GRM4: variants seen among roughly 807,000 people sequenced by gnomAD.
GRM4 encodes the protein glutamate metabotropic receptor 4.
GRM4 carries 28 observed loss-of-function variants against 81.7 expected under a neutral mutation model. The ratio of observed to expected loss-of-function variants is 0.34; its 90% CI spans 0.25 to 0.47. The LOEUF (loss-of-function observed/expected upper bound fraction) is 0.47. GRM4 is among the 20% of genes least tolerant of loss of function. The probability of loss-of-function intolerance (pLI) is 1.00; values close to 1 mark genes in which losing one functional copy is unlikely to be tolerated. For missense variants in GRM4, 948 were observed against 1,290.0 expected, an observed-to-expected ratio of 0.73 and a Z score of 4.06; for synonymous variants, 488 against 528.8, an observed-to-expected ratio of 0.92 and a Z score of 1.06.
At chr6:34,037,752 A>T (rs1441796345) in intron 8 of GRM4, among the ~76,000 whole-genome samples, 3 of 151,602 alleles carry the variant, frequency 2.0e-5, no homozygotes, top group Non-Finnish European at 1.5e-5. Flanking sequence ...AATCCTAGCT[A>T]CTCAGGAGGC....
chr6:34,023,467 T>C (rs1763987744), intron 10 of GRM4, among the ~76,000 whole-genome samples: 2 of 152,102 alleles, frequency 1.3e-5, no homozygotes, highest in Non-Finnish European at 2.9e-5. Flanking sequence ...GGGCCGTGCA[T>C]GGCTAGAAAC....
intron 1 of GRM4, among the ~76,000 whole-genome samples, chr6:34,138,248 C>G (rs553361724): frequency 6.6e-6 from 1 of 152,218 alleles, no homozygotes; most frequent in East Asian, 1.9e-4. Flanking sequence ...GACTCAGGCC[C>G]GAGCCCCTTG....
At chr6:34,149,739 C>T (rs1771008734), upstream of GRM4, among the ~76,000 whole-genome samples, 1 of 152,206 alleles carries the variant, frequency 6.6e-6, no homozygotes, top group Non-Finnish European at 1.5e-5. Context: ...AGTATGAATC[C>T]AGCCTCCAGG....
chr6:34,099,733 G>C (rs1768732343), intron 2 of GRM4, among the ~76,000 whole-genome samples: 1 of 152,164 alleles, frequency 6.6e-6, no homozygotes, highest in Non-Finnish European at 1.5e-5. Flanking sequence ...AGTGATCAAA[G>C]AACAAGGCCT....
chr6:34,097,566 G>T (rs1300851631), intron 2 of GRM4, among the ~76,000 whole-genome samples: 1 of 152,230 alleles, frequency 6.6e-6, no homozygotes, highest in African/African-American at 2.4e-5. Context: ...GCTGATACCG[G>T]CTAGCACACG....
At position 34,035,908 on chromosome 6, in the gene GRM4, T is replaced by C. The variant is rs2228623; in HGVS notation, c.2202A>G (p.Thr734=). 0.17 allele frequency: 268,100 copies of C among 1,606,596 alleles called. 23,522 individuals carry two copies. The highest frequency in any genetic ancestry group is 0.29 in the East Asian group (12,975 of 44,572). The change falls in exon 9 of 11, where the codon ACA becomes ACG. Residue 734 remains threonine (T), a synonymous_variant. Transcript: ENST00000538487. The surrounding 1 kb of genome is among the most constrained non-coding windows in gnomAD (Gnocchi z 6.6). ...HSVVDFQDQR[T]LDPRFARGVL... is the part of the protein sequence containing the mutation. ...CACCCCTGGCGAAGCGGGGGTCGAG[T>C]GTCCGCTGGTCCTGGAAGTCCACCA...
At chr6:34,144,769 C>T (rs763714619) in intron 1 of GRM4, among the ~76,000 whole-genome samples, 12 of 152,208 alleles carry the variant, frequency 7.9e-5, no homozygotes, top group Non-Finnish European at 1.5e-4. Context: ...TGAAAGCTGG[C>T]ACGACCCTCC....
chr6:34,066,664 A>G (rs2499682), intron 3 of GRM4, among the ~76,000 whole-genome samples: 110,331 of 151,460 alleles, frequency 0.73, 40,761 homozygotes, highest in African/African-American at 0.87. Flanking sequence ...CCACCTCTCA[A>G]AATCATGGTT....
chr6:34,073,540 C>A (rs1236542634), intron 3 of GRM4, among the ~76,000 whole-genome samples: 2 of 152,042 alleles, frequency 1.3e-5, no homozygotes, highest in Non-Finnish European at 2.9e-5. Flanking sequence ...ATACACCACA[C>A]ACAGACACAG....
intron 6 of GRM4, chr6:34,054,214 G>A (rs889086869): frequency 1.3e-5 from 2 of 149,186 alleles, no homozygotes; most frequent in Non-Finnish European, 3.0e-5. Context: ...AGGCTGGAGT[G>A]CACTGGCACA....
At chr6:34,155,374 G>T (rs1266904353) in exon 1 of GRM4, 2 of 1,502,324 alleles carry the variant, frequency 1.3e-6, no homozygotes, top group Non-Finnish European at 1.8e-6. Context: ...TGCAACTCCA[G>T]GCTCCCAAGC....
chr6:34,019,473 G>A lies in GRM4; in HGVS notation c.*3348C>T, dbSNP rs1763793937. 6.6e-6 allele frequency: 1 copy of A among 152,302 alleles called. No homozygotes were observed. Among genetic ancestry groups the A allele is most frequent in the African/African-American group, 2.4e-5 (1 of 41,472 alleles). The allele number at this position is 152,302 out of a possible 1,614,324, so 9.4% of individuals were successfully genotyped here. A position where few individuals can be genotyped will look rare whatever the true frequency, so the allele number is the denominator to read the frequency against. The stretch of plus-strand genomic sequence containing the variant: ...TTGACTGCACGGCCCATCTGCTGGG[G>A]AGCTTTTAAAATATGCCCGTGCCCA... On this transcript the variant is annotated 3_prime_UTR_variant, in exon 11 of 11. Coordinates refer to ENST00000538487, the MANE Select transcript of GRM4 (RefSeq NM_000841.4).
At chr6:34,120,807 G>A (rs1468111920) in intron 2 of GRM4, among the ~76,000 whole-genome samples, 1 of 152,132 alleles carries the variant, frequency 6.6e-6, no homozygotes, top group Non-Finnish European at 1.5e-5. Flanking sequence ...TGTTAGCCAG[G>A]GTGGTCTCGA....
chr6:34,125,933 C>T (rs988051938), intron 2 of GRM4, among the ~76,000 whole-genome samples: 8 of 152,246 alleles, frequency 5.3e-5, no homozygotes, highest in Non-Finnish European at 1.0e-4. Context: ...CAGCACCTCA[C>T]GAGCACTCCA....
intron 8 of GRM4, among the ~76,000 whole-genome samples, chr6:34,038,283 C>G (rs907416444): frequency 6.6e-6 from 1 of 152,262 alleles, no homozygotes; most frequent in African/African-American, 2.4e-5. Flanking sequence ...CCAATGAAAG[C>G]AGATATGAAG....
intron 2 of GRM4, among the ~76,000 whole-genome samples, chr6:34,108,273 C>T (rs553959709): frequency 1.4e-4 from 21 of 152,394 alleles, no homozygotes; most frequent in African/African-American, 4.1e-4. Flanking sequence ...ATAATCCTAA[C>T]AGCCGCTATA....
In GRM4 at chr6:34,035,806, G is replaced by T. The variant is rs61745457; in HGVS notation, c.2304C>A (p.Thr768=). The change falls in exon 9 of 11, where the codon ACC becomes ACA. Residue 768 remains threonine, a synonymous_variant. Transcript: ENST00000538487. The surrounding 1 kb of genome is among the most constrained non-coding windows in gnomAD (Gnocchi z 6.6). ...GYSMLLMVTC[T]VYAIKTRGVP... is the part of the protein sequence containing the mutation. ...CGCCGCGTGTCTTGATGGCATACAC[G>T]GTGCACGTGACCATGAGCAGCATGC... 1 of 1,613,622 alleles carries T rather than the reference G, an allele frequency of 6.2e-7. No homozygotes were observed. The highest frequency in any genetic ancestry group is 1.3e-5 in the African/African-American group (1 of 74,926).
chr6:34,050,299 C>T (rs1319384160), intron 6 of GRM4, among the ~76,000 whole-genome samples: 1 of 152,168 alleles, frequency 6.6e-6, no homozygotes, highest in African/African-American at 2.4e-5. Flanking sequence ...GATGTTTGTC[C>T]CCTCCAAATC....
intron 2 of GRM4, among the ~76,000 whole-genome samples, chr6:34,122,867 C>A (rs1769870948): frequency 6.6e-6 from 1 of 152,214 alleles, no homozygotes; most frequent in African/African-American, 2.4e-5. Flanking sequence ...CCCGCAAGAG[C>A]CCCCACATTC....
Sources: gnomAD v4.1 joint callset for allele counts (sites outside exome capture counted in the v4.1 genomes callset) on GRCh38, gnomAD v4.1.1 for gene constraint, Gnocchi (gnomAD v3.1) non-coding constraint, MANE v1.5 for transcripts, NCBI Gene and HGNC (gene_info 2026-07-23, HGNC 2026-07-21) for gene names.